SIM1: variants seen among roughly 807,000 people sequenced by gnomAD.
The protein encoded by SIM1 is SIM bHLH transcription factor 1.
A neutral mutation model predicts 78.2 loss-of-function variants in SIM1; 18 were observed. The observed-to-expected ratio is 0.23, with a 90% confidence interval of 0.16 to 0.34. The LOEUF is 0.34. Among genes scored for constraint, SIM1 ranks in the 10% least tolerant of loss-of-function variants. The probability of loss-of-function intolerance (pLI) is 1.00; values close to 1 mark genes in which losing one functional copy is unlikely to be tolerated. For synonymous variants in SIM1, 417 were observed against 385.2 expected (o/e 1.08, Z -0.97); for missense variants, 939 against 975.1 (o/e 0.96, Z 0.49).
intron 10 of SIM1, among the ~76,000 whole-genome samples, chr6:100,412,052 G>T (rs944401494): frequency 2.6e-5 from 4 of 152,110 alleles, no homozygotes; most frequent in Admixed American, 6.6e-5. Flanking sequence ...AACAGCTAGG[G>T]CAGTGGTGGG....
intron 10 of SIM1, among the ~76,000 whole-genome samples, chr6:100,402,638 C>A (rs999175688): frequency 7.8e-6 from 1 of 128,202 alleles, no homozygotes; most frequent in Non-Finnish European, 1.5e-5. Flanking sequence ...AGTGCAGTGG[C>A]ACGATCTCGG....
intron 10 of SIM1, among the ~76,000 whole-genome samples, chr6:100,398,964 TGTAGTA>T (rs797012624): frequency 3.3e-5 from 4 of 120,770 alleles, no homozygotes; most frequent in Non-Finnish European, 7.9e-5. Flanking sequence ...TGTGTGTATG[TGTAGTA>T]GTAGTAGTAG....
At chr6:100,442,987 A>C (rs145921301) in intron 9 of SIM1, among the ~76,000 whole-genome samples, 55 of 152,216 alleles carry the variant, frequency 3.6e-4, no homozygotes, top group African/African-American at 1.3e-3. Flanking sequence ...CATAATGGTA[A>C]GTTGTTGTGG....
intron 10 of SIM1, among the ~76,000 whole-genome samples, chr6:100,413,424 G>A (rs886409721): frequency 6.6e-5 from 10 of 152,232 alleles, no homozygotes; most frequent in East Asian, 1.9e-4. Context: ...TTAGCATGTC[G>A]TTGTTGGTAG....
rs553280415 is a variant in SIM1 at position 100,439,879 on chromosome 6, T to C, written c.998+7389A>G. ...CTCTACATAGAAATCTCTACTCCCC[T>C]TAGAGCATCAAGACTACAGTGAAAA... On this transcript the variant is annotated intron_variant, in intron 9 of 11. Transcript: ENST00000369208. 3.3e-5 allele frequency among the ~76,000 whole-genome samples: 5 copies of C among 152,224 alleles called. No homozygotes were observed. The East Asian group carries it at 7.8e-4, about 24-fold the overall frequency.
At chr6:100,438,791 C>A (rs1248185230) in intron 9 of SIM1, among the ~76,000 whole-genome samples, 1 of 152,160 alleles carries the variant, frequency 6.6e-6, no homozygotes, top group Non-Finnish European at 1.5e-5. Context: ...TAAAGAGGAA[C>A]AAAATAATGT....
intron 9 of SIM1, among the ~76,000 whole-genome samples, chr6:100,438,378 C>A (rs973758554): frequency 8.5e-5 from 13 of 152,156 alleles, no homozygotes; most frequent in African/African-American, 2.7e-4. Flanking sequence ...CATTACTAAT[C>A]ATCAGGGGAA....
intron 10 of SIM1, among the ~76,000 whole-genome samples, chr6:100,410,188 T>C (rs887952210): frequency 1.3e-5 from 2 of 152,204 alleles, no homozygotes; most frequent in African/African-American, 2.4e-5. Flanking sequence ...AAATGAGGCA[T>C]TGCTCTCTTT....
chr6:100,453,185 A>G (rs1269377599), intron 3 of SIM1, among the ~76,000 whole-genome samples: 1 of 152,196 alleles, frequency 6.6e-6, no homozygotes, highest in Non-Finnish European at 1.5e-5. Flanking sequence ...TAAACTCATT[A>G]TCTGGGGGTG....
chr6:100,412,563 G>GAAAGAAAGAAAGAA (rs1176751472), intron 10 of SIM1, among the ~76,000 whole-genome samples: 1 of 45,870 alleles, frequency 2.2e-5, no homozygotes, highest in African/African-American at 9.5e-5. Flanking sequence ...AGAAAAGAAA[G>GAAAGAAAGAAAGAA]AAAGAAAGAA....
At chr6:100,461,841 C>CTTTTTTTTTTTTTTTTTTTTTTTTTTTT (rs10522700) in intron 2 of SIM1, among the ~76,000 whole-genome samples, 2 of 113,344 alleles carry the variant, frequency 1.8e-5, no homozygotes, top group Non-Finnish European at 3.5e-5. Context: ...TTCTTTCTTT[C>CTTTTTTTTTTTTTTTTTTTTTTTTTTTT]TTTTTTTTTT....
intron 10 of SIM1, among the ~76,000 whole-genome samples, chr6:100,405,502 C>A (rs1332453345): frequency 6.6e-6 from 1 of 151,942 alleles, no homozygotes; most frequent in African/African-American, 2.4e-5. Context: ...CAAGATTTCC[C>A]CCCATTATTT....
intron 10 of SIM1, among the ~76,000 whole-genome samples, chr6:100,395,850 C>CT (rs1770753275): frequency 6.6e-6 from 1 of 152,146 alleles, no homozygotes. Context: ...CAAAGTATGC[C>CT]AATATAGCAT....
intron 9 of SIM1, among the ~76,000 whole-genome samples, chr6:100,442,325 C>T (rs1772239872): frequency 1.3e-5 from 2 of 152,146 alleles, no homozygotes; most frequent in African/African-American, 2.4e-5. Context: ...GAGACTAAAT[C>T]TCCCAGCTCT....
At chr6:100,448,723 G>A in intron 6 of SIM1, 45 bp from the exon 7 acceptor site, 1 of 1,564,574 alleles carries the variant, frequency 6.4e-7, no homozygotes, top group South Asian at 1.1e-5. Flanking sequence ...CAGGTAGGAA[G>A]AGCCCCCAAA....
chr6:100,454,009 G>A (rs1772583531), intron 2 of SIM1, among the ~76,000 whole-genome samples, 165 bp from the exon 3 acceptor site: 1 of 152,200 alleles, frequency 6.6e-6, no homozygotes, highest in East Asian at 1.9e-4. Context: ...GTACATTTCA[G>A]TCCGTCCTGT....
intron 10 of SIM1, among the ~76,000 whole-genome samples, chr6:100,394,351 C>A (rs914933921): frequency 6.6e-6 from 1 of 152,192 alleles, no homozygotes; most frequent in South Asian, 2.1e-4. Context: ...TCTACCCTAA[C>A]AGTATTGCCA....
chr6:100,397,638 C>T (rs895712135), intron 10 of SIM1, among the ~76,000 whole-genome samples: 1 of 150,624 alleles, frequency 6.6e-6, no homozygotes, highest in Non-Finnish European at 1.5e-5. Context: ...GACTTGACAA[C>T]AAAAACACAA....
intron 10 of SIM1, among the ~76,000 whole-genome samples, chr6:100,412,632 GAAAGAAAAGAAAGAAAGAAAGAA>G (rs1771247145): frequency 2.3e-5 from 2 of 87,446 alleles, no homozygotes; most frequent in African/African-American, 8.2e-5. Flanking sequence ...AGGAAAGAAA[GAAAGAAAAGAAAGAAAGAAAGAA>G]AGAGAGAGAG....
Sources: gnomAD v4.1 joint callset for allele counts (sites outside exome capture counted in the v4.1 genomes callset) on GRCh38, gnomAD v4.1.1 for gene constraint, MANE v1.5 for transcripts, NCBI Gene and HGNC (gene_info 2026-07-23, HGNC 2026-07-21) for gene names.